NAV3: variants seen among roughly 807,000 people sequenced by gnomAD.
NAV3 encodes the protein pore membrane and/or filament interacting like protein 1.
A neutral mutation model predicts 244.7 loss-of-function variants in NAV3; 87 were observed. The observed-to-expected ratio is 0.36, with a 90% CI of 0.30 to 0.42. The LOEUF (loss-of-function observed/expected upper bound fraction) is 0.42. Ranked by LOEUF, NAV3 falls within the 20% of genes least tolerant of loss-of-function variation. The pLI is 1.00. For synonymous variants in NAV3, 1,126 were observed against 1,042.2 expected (o/e 1.08, Z -1.55); for missense variants, 2,663 against 2,893.3 (o/e 0.92, Z 1.83).
intron 3 of NAV3, among the ~76,000 whole-genome samples, chr12:77,965,931 C>T (rs575700553): frequency 1.3e-5 from 2 of 152,080 alleles, no homozygotes; most frequent in Non-Finnish European, 2.9e-5. Context: ...TTCACGGGGA[C>T]TTATTTGCAA....
intron 30 of NAV3, among the ~76,000 whole-genome samples, chr12:78,184,118 C>T (rs1021107688): frequency 3.8e-4 from 58 of 151,812 alleles, no homozygotes; most frequent in African/African-American, 1.4e-3. Flanking sequence ...TTTATATTAG[C>T]AGAGTGCTTA....
intron 2 of NAV3, among the ~76,000 whole-genome samples, chr12:77,825,821 A>C (rs1949592): frequency 0.15 from 23,230 of 152,124 alleles, 4,070 homozygotes; most frequent in African/African-American, 0.43. Context: ...TATATAAATA[A>C]TTGTTGATAA....
At chr12:78,086,858 G>T (rs1004663570) in intron 12 of NAV3, among the ~76,000 whole-genome samples, 2 of 151,876 alleles carry the variant, frequency 1.3e-5, no homozygotes, top group African/African-American at 4.8e-5. Flanking sequence ...GGTTTCACTG[G>T]GTTTCTTTCA....
intron 22 of NAV3, among the ~76,000 whole-genome samples, chr12:78,156,218 A>G (rs1013232780): frequency 6.6e-6 from 1 of 152,120 alleles, no homozygotes; most frequent in Non-Finnish European, 1.5e-5. Flanking sequence ...GTATATGGCT[A>G]GTCAGTTCTA....
chr12:77,623,699 T>A (rs1224298503), intron 2 of NAV3, among the ~76,000 whole-genome samples: 2 of 152,200 alleles, frequency 1.3e-5, no homozygotes, highest in African/African-American at 4.8e-5. Context: ...ATGCCAGGAT[T>A]TTCCTTGAGT....
intron 38 of NAV3, among the ~76,000 whole-genome samples, chr12:78,201,634 C>G (rs1004537226): frequency 1.3e-5 from 2 of 151,986 alleles, no homozygotes; most frequent in African/African-American, 4.8e-5. Context: ...ATTGCTATTT[C>G]CTTAAGTTTG....
chr12:78,063,126 C>G (rs1016227359), intron 12 of NAV3, among the ~76,000 whole-genome samples: 1 of 151,962 alleles, frequency 6.6e-6, no homozygotes, highest in Non-Finnish European at 1.5e-5. Flanking sequence ...TAAAAAGGCC[C>G]CAAAGGAAAA....
intron 2 of NAV3, among the ~76,000 whole-genome samples, chr12:77,581,272 T>C (rs946743798): frequency 6.6e-6 from 1 of 152,228 alleles, no homozygotes; most frequent in Non-Finnish European, 1.5e-5. Context: ...GTACATTCCA[T>C]AGAATACTTT....
chr12:78,021,913 C>G (rs756019056), intron 9 of NAV3, 51 bp downstream of exon 9: 1 of 1,143,238 alleles, frequency 8.7e-7, no homozygotes. Context: ...TCCGTATTCT[C>G]TCCATAAGAC....
At chr12:77,833,246 C>G (rs1399513282) in intron 1 of NAV3, among the ~76,000 whole-genome samples, 2 of 152,158 alleles carry the variant, frequency 1.3e-5, no homozygotes, top group African/African-American at 2.4e-5. Context: ...CGTATCTTAT[C>G]CTGTGTTCCA....
intron 2 of NAV3, among the ~76,000 whole-genome samples, chr12:77,699,804 T>TA (rs764698169): frequency 2.0e-5 from 3 of 150,846 alleles, no homozygotes; most frequent in Non-Finnish European, 3.0e-5. Context: ...TTTTTTTTTT[T>TA]AAATGAACAA....
intron 1 of NAV3, among the ~76,000 whole-genome samples, chr12:77,884,429 C>T (rs1883040571): frequency 6.6e-6 from 1 of 152,070 alleles, no homozygotes; most frequent in Non-Finnish European, 1.5e-5. Context: ...CCAAAGGCTC[C>T]AGAACCAGGG....
intron 12 of NAV3, among the ~76,000 whole-genome samples, chr12:78,081,216 A>G (rs1953332897): frequency 6.6e-6 from 1 of 152,162 alleles, no homozygotes. Context: ...AGAGAGAGAG[A>G]GGTTGATTAT....
intron 3 of NAV3, among the ~76,000 whole-genome samples, chr12:77,948,732 G>A (rs571622672): frequency 1.3e-3 from 51 of 39,766 alleles, no homozygotes; most frequent in Non-Finnish European, 2.3e-3. Context: ...ATAATCAGTG[G>A]AAAAATATTA....
intron 2 of NAV3, among the ~76,000 whole-genome samples, chr12:77,753,160 A>T (rs1868946595): frequency 1.3e-5 from 2 of 152,222 alleles, no homozygotes; most frequent in Admixed American, 1.3e-4. Flanking sequence ...CTGACAACAC[A>T]TAGAAAGTAA....
intron 2 of NAV3, among the ~76,000 whole-genome samples, chr12:77,679,342 G>A (rs1165290714): frequency 1.3e-5 from 2 of 152,178 alleles, no homozygotes; most frequent in Admixed American, 1.3e-4. Flanking sequence ...TGACTGGATG[G>A]AGGGAGATGG....
chr12:78,078,687 G>A (rs920529277), intron 12 of NAV3, among the ~76,000 whole-genome samples: 5 of 151,972 alleles, frequency 3.3e-5, no homozygotes, highest in Non-Finnish European at 5.9e-5. Context: ...GAGCCACCGC[G>A]CCCGGCCTCT....
chr12:77,899,424 C>G (rs1047315368), intron 1 of NAV3, among the ~76,000 whole-genome samples: 8 of 152,328 alleles, frequency 5.3e-5, no homozygotes, highest in African/African-American at 1.7e-4. Flanking sequence ...CAATCGGCAG[C>G]TGTTGACCTT....
chr12:78,161,163 T>C (rs925275984), intron 23 of NAV3, among the ~76,000 whole-genome samples: 3 of 152,130 alleles, frequency 2.0e-5, no homozygotes, highest in Non-Finnish European at 4.4e-5. Context: ...CTAACCTTTC[T>C]TGAACCTCAA....
Sources: gnomAD v4.1 joint callset for allele counts (sites outside exome capture counted in the v4.1 genomes callset) on GRCh38, gnomAD v4.1.1 for gene constraint, MANE v1.5 for transcripts, NCBI Gene and HGNC (gene_info 2026-07-23, HGNC 2026-07-21) for gene names.